CRY1: variants seen among roughly 807,000 people sequenced by gnomAD.
CRY1 encodes the protein cryptochrome circadian regulator 1, also known as cryptochrome-1.
A neutral mutation model predicts 76.0 loss-of-function variants in CRY1; 45 were observed. That is an observed-to-expected ratio of 0.59 (90% CI 0.47 to 0.76). CRY1 has a LOEUF of 0.76. CRY1 is among the 30% of genes least tolerant of loss of function. The pLI, the probability that CRY1 is intolerant of heterozygous loss-of-function variation, is 0.00. For missense variants in CRY1, 587 were observed against 716.4 expected, an observed-to-expected ratio of 0.82 and a Z score of 2.06; for synonymous variants, 248 against 244.0, an observed-to-expected ratio of 1.02 and a Z score of -0.15.
At chr12:107,045,806 T>C (rs1020845462) in intron 1 of CRY1, among the ~76,000 whole-genome samples, 4 of 151,814 alleles carry the variant, frequency 2.6e-5, no homozygotes, top group Admixed American at 6.6e-5. Context: ...CCGGGGCCTG[T>C]TGTGGGGTGC....
chr12:107,035,863 T>G (rs760613396), intron 1 of CRY1, among the ~76,000 whole-genome samples: 3 of 152,216 alleles, frequency 2.0e-5, no homozygotes, highest in Non-Finnish European at 2.9e-5. Flanking sequence ...CCAATCTCAT[T>G]TAATTCCATC....
In CRY1 at chr12:107,026,183, T is replaced by TATAAAATATATATATATATTACATATAC. The variant is rs1565829231; in HGVS notation, c.159-3992_159-3991insGTATATGTAATATATATATATATTTTAT. ...AATATATATATATATATTACATATA[T>TATAAAATATATATATATATTACATATAC]ATATAAAATAAAACCTCCTCCTAAT... On this transcript the variant is annotated intron_variant, in intron 1 of 12. Transcript: ENST00000008527. Among the ~76,000 whole-genome samples, 440 of 136,258 alleles carry TATAAAATATATATATATATTACATATAC rather than the reference T, an allele frequency of 3.2e-3. 10 individuals are homozygous for TATAAAATATATATATATATTACATATAC. The highest frequency in any genetic ancestry group is 0.012 in the African/African-American group (414 of 33,400). 89.4% of individuals were successfully genotyped at this position (136,258 alleles called of 152,430 possible).
intron 1 of CRY1, among the ~76,000 whole-genome samples, 181 bp from the exon 2 acceptor site, chr12:107,022,373 A>C (rs2136845436): frequency 6.6e-6 from 1 of 152,186 alleles, no homozygotes; most frequent in African/African-American, 2.4e-5. Flanking sequence ...AGCACAAATT[A>C]CCTAGTATTT....
intron 2 of CRY1, among the ~76,000 whole-genome samples, chr12:107,016,047 C>T (rs971343602): frequency 6.6e-6 from 1 of 152,182 alleles, no homozygotes; most frequent in Admixed American, 6.5e-5. Flanking sequence ...TGGTGGCTCA[C>T]GCCTGTAATC....
At chr12:107,018,484 G>A (rs553572503) in intron 2 of CRY1, among the ~76,000 whole-genome samples, 97 of 152,302 alleles carry the variant, frequency 6.4e-4, no homozygotes, top group African/African-American at 2.0e-3. Context: ...CTACGTGGGT[G>A]GCTGAGGCAC....
chr12:107,085,633 G>C (rs1953390104), intron 1 of CRY1, among the ~76,000 whole-genome samples: 1 of 152,056 alleles, frequency 6.6e-6, no homozygotes, highest in South Asian at 2.1e-4. Flanking sequence ...ACACGGGGAG[G>C]GGAACAGCAC....
At chr12:107,016,359 C>T (rs1952498426) in intron 2 of CRY1, among the ~76,000 whole-genome samples, 1 of 151,818 alleles carries the variant, frequency 6.6e-6, no homozygotes, top group South Asian at 2.1e-4. Context: ...ATAGCACTCC[C>T]AAACAATTTT....
rs765306905 is a variant in CRY1 at position 107,092,964 on chromosome 12, CG to C, written c.-4del. ...CAGTGCACGGCGTTCACCCCCATGC[CG>C]GGGGGCGCGGCGGGTCCTCCACGGA... On this transcript the variant is annotated 5_prime_UTR_variant, in exon 1 of 13. Coordinates refer to ENST00000008527, the MANE Select transcript of CRY1 (RefSeq NM_004075.5). 3.3e-6 allele frequency: 5 copies of C among 1,535,138 alleles called. No homozygotes were observed. The highest frequency in any genetic ancestry group is 1.4e-5 in the African/African-American group (1 of 72,120).
At chr12:107,027,014 T>C (rs1952624127) in intron 1 of CRY1, among the ~76,000 whole-genome samples, 1 of 152,154 alleles carries the variant, frequency 6.6e-6, no homozygotes, top group Non-Finnish European at 1.5e-5. Flanking sequence ...ACTCAACTAA[T>C]CTCTAAGCAT....
At chr12:107,006,367 C>T (rs1157118196) in intron 2 of CRY1, among the ~76,000 whole-genome samples, 13 of 151,080 alleles carry the variant, frequency 8.6e-5, no homozygotes, top group Admixed American at 7.3e-4. Context: ...AGGAGCGAGG[C>T]TCCATCTCAA....
intron 1 of CRY1, among the ~76,000 whole-genome samples, chr12:107,034,749 A>G (rs1268698547): frequency 6.6e-6 from 1 of 152,238 alleles, no homozygotes; most frequent in Non-Finnish European, 1.5e-5. Context: ...TAAGGATGGG[A>G]AAGGAAGAAG....
intron 3 of CRY1, 42 bp from the exon 4 acceptor site, chr12:107,001,990 A>C: frequency 6.6e-7 from 1 of 1,504,970 alleles, no homozygotes. Context: ...ATTAAAAAAG[A>C]CAATACATTT....
chr12:107,018,645 T>C (rs1952522414), intron 2 of CRY1, among the ~76,000 whole-genome samples: 1 of 151,960 alleles, frequency 6.6e-6, no homozygotes, highest in African/African-American at 2.4e-5. Flanking sequence ...ATGAGAATGT[T>C]TTTAAAAAAT....
intron 1 of CRY1, among the ~76,000 whole-genome samples, chr12:107,083,841 G>C (rs1953360857): frequency 6.6e-6 from 1 of 152,130 alleles, no homozygotes; most frequent in Non-Finnish European, 1.5e-5. Flanking sequence ...ATTCTGGCCA[G>C]GGCAATCAGG....
intron 1 of CRY1, among the ~76,000 whole-genome samples, chr12:107,031,141 T>C (rs1952669582): frequency 6.6e-6 from 1 of 152,124 alleles, no homozygotes; most frequent in Admixed American, 6.6e-5. Flanking sequence ...AGAAAAGTTC[T>C]TAAAATAATT....
chr12:107,051,548 T>C (rs1032308747), intron 1 of CRY1, among the ~76,000 whole-genome samples: 1 of 152,180 alleles, frequency 6.6e-6, no homozygotes, highest in Non-Finnish European at 1.5e-5. Flanking sequence ...GAATAAGATA[T>C]GGATATTACC....
intron 1 of CRY1, among the ~76,000 whole-genome samples, chr12:107,047,140 C>T (rs1952858300): frequency 6.6e-6 from 1 of 152,122 alleles, no homozygotes; most frequent in African/African-American, 2.4e-5. Flanking sequence ...AAACAAGACA[C>T]AACAAATTTA....
intron 1 of CRY1, among the ~76,000 whole-genome samples, chr12:107,052,254 T>C (rs372633841): frequency 6.6e-6 from 1 of 152,176 alleles, no homozygotes; most frequent in South Asian, 2.1e-4. Context: ...CCTTTTACTA[T>C]AGAGAATTCT....
rs1593508263 is a variant in CRY1 at position 107,022,266 on chromosome 12, G to A, written c.159-74C>T. On this transcript the variant is annotated intron_variant, in intron 1 of 12. Coordinates refer to ENST00000008527, the MANE Select transcript of CRY1 (RefSeq NM_004075.5). ...AAGACATAAATTATTACAAAGTCAT[G>A]TTATTCTAAAAGTTGAAATGCCAAC... is the stretch of plus-strand genomic sequence containing the variant. The A allele has an allele frequency of 4.3e-6, 4 of 923,796 alleles. 1 individual carries two copies. The East Asian group carries it at 1.2e-4, about 29-fold the overall frequency. The allele number at this position is 923,796 out of a possible 1,614,324, so 57.2% of individuals were successfully genotyped here.
Sources: allele counts gnomAD v4.1 joint callset (sites outside exome capture counted in the v4.1 genomes callset), GRCh38; gene constraint gnomAD v4.1.1; transcripts MANE v1.5; gene names NCBI Gene and HGNC (gene_info 2026-07-23, HGNC 2026-07-21).